Variants in KIAA1549L observed in about 807,000 individuals in gnomAD.
The protein encoded by KIAA1549L is UPF0606 protein KIAA1549L.
In KIAA1549L, 88 loss-of-function variants were observed where a neutral mutation model predicts 160.7. The ratio of observed to expected loss-of-function variants is 0.55; its 90% CI spans 0.46 to 0.65. The LOEUF is 0.65. KIAA1549L is among the 30% of genes least tolerant of loss of function. KIAA1549L has a pLI of 0.00. For missense variants in KIAA1549L, 2,258 were observed against 2,437.5 expected, an observed-to-expected ratio of 0.93 and a Z score of 1.55; for synonymous variants, 950 against 976.7, an observed-to-expected ratio of 0.97 and a Z score of 0.51.
chr11:33,432,139 C>T (rs1218216834), intron 1 of KIAA1549L, among the ~76,000 whole-genome samples: 1 of 152,246 alleles, frequency 6.6e-6, no homozygotes, highest in Non-Finnish European at 1.5e-5. Flanking sequence ...CCACACCTCC[C>T]CGCAAGCTGA....
chr11:33,606,113 A>G (rs1850493050), intron 13 of KIAA1549L, among the ~76,000 whole-genome samples: 1 of 148,760 alleles, frequency 6.7e-6, no homozygotes, highest in South Asian at 2.1e-4. Flanking sequence ...CTGGGGAAAC[A>G]ACCTTCAGAA....
At chr11:33,507,390 C>G (rs1853117240) in intron 1 of KIAA1549L, among the ~76,000 whole-genome samples, 1 of 152,132 alleles carries the variant, frequency 6.6e-6, no homozygotes, top group Non-Finnish European at 1.5e-5. Flanking sequence ...AAAAACTGAG[C>G]AGTTGTAAAT....
intron 10 of KIAA1549L, among the ~76,000 whole-genome samples, chr11:33,576,975 A>G (rs1251460410): frequency 1.3e-5 from 2 of 152,182 alleles, no homozygotes; most frequent in African/African-American, 4.8e-5. Flanking sequence ...ATAGGTGAGA[A>G]TAACCAGGTG....
chr11:33,390,352 C>T (rs1392989163), intron 1 of KIAA1549L, among the ~76,000 whole-genome samples: 3 of 152,252 alleles, frequency 2.0e-5, no homozygotes, highest in Non-Finnish European at 4.4e-5. Context: ...CTGCCTCTTT[C>T]TGGAGACTGG....
At chr11:33,408,378 A>G (rs1467397244) in intron 1 of KIAA1549L, among the ~76,000 whole-genome samples, 1 of 151,844 alleles carries the variant, frequency 6.6e-6, no homozygotes, top group Non-Finnish European at 1.5e-5. Context: ...GTGTTTCCCC[A>G]TCAGCAAAAT....
intron 1 of KIAA1549L, among the ~76,000 whole-genome samples, chr11:33,505,393 C>G (rs1315249428): frequency 6.6e-6 from 1 of 152,220 alleles, no homozygotes; most frequent in Non-Finnish European, 1.5e-5. Context: ...CCTTGTTTCT[C>G]ATCTCTCCTT....
intron 1 of KIAA1549L, among the ~76,000 whole-genome samples, chr11:33,467,426 TG>T (rs1852086278): frequency 6.6e-6 from 1 of 152,202 alleles, no homozygotes; most frequent in African/African-American, 2.4e-5. Flanking sequence ...GAGTGACCAT[TG>T]GGCAGATGGA....
chr11:33,502,925 A>G (rs545964108), intron 1 of KIAA1549L, among the ~76,000 whole-genome samples: 9 of 152,366 alleles, frequency 5.9e-5, no homozygotes, highest in South Asian at 4.1e-4. Context: ...GTGGCTACCA[A>G]TGGTAAATAC....
intron 1 of KIAA1549L, among the ~76,000 whole-genome samples, chr11:33,488,903 A>G (rs1372916108): frequency 6.6e-6 from 1 of 152,206 alleles, no homozygotes. Context: ...GATGTGAACT[A>G]GGTCCTGACT....
intron 1 of KIAA1549L, among the ~76,000 whole-genome samples, chr11:33,424,393 T>C (rs1851077374): frequency 6.6e-6 from 1 of 152,206 alleles, no homozygotes; most frequent in Non-Finnish European, 1.5e-5. Context: ...AGAGTTTCTA[T>C]GGGAAACCAT....
chr11:33,576,394 A>G (rs1045831292), intron 10 of KIAA1549L, among the ~76,000 whole-genome samples: 4 of 152,180 alleles, frequency 2.6e-5, no homozygotes, highest in African/African-American at 7.2e-5. Context: ...CAAAGTGACA[A>G]TTTTAACCAA....
chr11:33,378,497 C>T (rs566071865), intron 1 of KIAA1549L, among the ~76,000 whole-genome samples: 3 of 152,154 alleles, frequency 2.0e-5, no homozygotes, highest in Non-Finnish European at 4.4e-5. Flanking sequence ...TGTCCTCTTT[C>T]TTTTTCCTTT....
intron 6 of KIAA1549L, among the ~76,000 whole-genome samples, chr11:33,555,326 G>T (rs1158806960): frequency 1.3e-5 from 2 of 152,146 alleles, no homozygotes; most frequent in African/African-American, 4.8e-5. Context: ...AATTCCCATG[G>T]AATCTCAAGG....
At chr11:33,638,238 C>T (rs1388828569) in intron 16 of KIAA1549L, among the ~76,000 whole-genome samples, 1 of 152,030 alleles carries the variant, frequency 6.6e-6, no homozygotes, top group Non-Finnish European at 1.5e-5. Flanking sequence ...TCCCAGAAAA[C>T]TCCCTCACTT....
At chr11:33,508,292 G>A (rs1853140712) in intron 1 of KIAA1549L, among the ~76,000 whole-genome samples, 1 of 152,216 alleles carries the variant, frequency 6.6e-6, no homozygotes, top group African/African-American at 2.4e-5. Context: ...CACCATAGCT[G>A]CTACTAACAT....
intron 1 of KIAA1549L, among the ~76,000 whole-genome samples, chr11:33,434,309 A>G (rs1851312359): frequency 6.6e-6 from 1 of 152,174 alleles, no homozygotes; most frequent in Non-Finnish European, 1.5e-5. Context: ...TTTCTTGCCT[A>G]CTGCCATGTA....
intron 10 of KIAA1549L, among the ~76,000 whole-genome samples, chr11:33,577,932 A>T (rs2133255753): frequency 6.6e-6 from 1 of 152,302 alleles, no homozygotes; most frequent in East Asian, 1.9e-4. Flanking sequence ...TGTTCCGGCC[A>T]TCTGCCACTT....
At chr11:33,484,141 T>C (rs1852472172) in intron 1 of KIAA1549L, among the ~76,000 whole-genome samples, 2 of 152,208 alleles carry the variant, frequency 1.3e-5, no homozygotes, top group South Asian at 4.1e-4. Flanking sequence ...TTATTTGTTA[T>C]TTCGTCTTTA....
In KIAA1549L at chr11:33,542,128, G is replaced by A; in HGVS notation, c.565G>A (p.Glu189Lys). The change falls in exon 2 of 21, where the codon GAA becomes AAA. Residue 189 changes from glutamate to lysine, a missense_variant. By Grantham distance (56) the Glu-to-Lys change is moderately conservative (BLOSUM62 1). Transcript: ENST00000658780. ...LVQPGPKGGQ[E>K]AADVSGLPLT... is the part of the protein sequence containing the mutation. Reference sequence around the variant, plus strand: ...CCAACCGGGGCCTAAAGGGGGACAAGAAGCAGCCGATGTGTCAGGTTTGCC... The same window carrying A: ...CCAACCGGGGCCTAAAGGGGGACAAAAAGCAGCCGATGTGTCAGGTTTGCC... 1 of 536,568 alleles carries A rather than the reference G, an allele frequency of 1.9e-6. No homozygotes were observed. The highest frequency in any genetic ancestry group is 4.8e-5 in the East Asian group (1 of 21,048). The allele number at this position is 536,568 out of a possible 1,614,324, so 33.2% of individuals were successfully genotyped here. A position where few individuals can be genotyped will look rare whatever the true frequency, so the allele number is the denominator to read the frequency against.
Sources: gnomAD v4.1 joint callset for allele counts (sites outside exome capture counted in the v4.1 genomes callset) on GRCh38, gnomAD v4.1.1 for gene constraint, MANE v1.5 for transcripts, NCBI Gene and HGNC (gene_info 2026-07-23, HGNC 2026-07-21) for gene names.